Variants in ZNF804B observed in about 807,000 individuals in gnomAD.
The protein encoded by ZNF804B is zinc finger 804B.
Under a neutral mutation model 101.4 loss-of-function variants are expected in ZNF804B, and 80 were observed. The ratio of observed to expected loss-of-function variants is 0.79; its 90% CI spans 0.66 to 0.95. The LOEUF is 0.95. Ranked by LOEUF, ZNF804B falls within the 40% of genes least tolerant of loss-of-function variation. The pLI is 0.00. For missense variants in ZNF804B, 1,673 were observed against 1,561.9 expected (o/e 1.07, Z -1.20); for synonymous variants, 622 against 558.8 (o/e 1.11, Z -1.59).
intron 2 of ZNF804B, among the ~76,000 whole-genome samples, chr7:89,229,272 C>G (rs1436290498): frequency 1.3e-5 from 2 of 152,202 alleles, no homozygotes; most frequent in Non-Finnish European, 2.9e-5. Context: ...TGAGGACTGC[C>G]AGCACGCTGT....
chr7:89,080,305 A>C (rs986954749), intron 1 of ZNF804B, among the ~76,000 whole-genome samples: 19 of 151,898 alleles, frequency 1.3e-4, no homozygotes, highest in African/African-American at 3.6e-4. Context: ...AAAAAAAAAA[A>C]AGTATATCAT....
chr7:88,918,917 A>G (rs1261919910), intron 1 of ZNF804B, among the ~76,000 whole-genome samples: 1 of 152,148 alleles, frequency 6.6e-6, no homozygotes, highest in Non-Finnish European at 1.5e-5. Context: ...AAACACATCA[A>G]AGGAATATGT....
At chr7:89,015,697 T>C (rs1407446257) in intron 1 of ZNF804B, among the ~76,000 whole-genome samples, 1 of 152,180 alleles carries the variant, frequency 6.6e-6, no homozygotes, top group Non-Finnish European at 1.5e-5. Context: ...TAGTATTCCA[T>C]GGTGTATATG....
intron 1 of ZNF804B, among the ~76,000 whole-genome samples, chr7:88,871,929 T>A (rs1791829125): frequency 6.6e-6 from 1 of 151,916 alleles, no homozygotes; most frequent in South Asian, 2.1e-4. Flanking sequence ...GATTGCGCCA[T>A]TACACTCCAG....
intron 1 of ZNF804B, among the ~76,000 whole-genome samples, chr7:89,208,487 C>T (rs1346370068): frequency 6.6e-6 from 1 of 152,192 alleles, no homozygotes; most frequent in African/African-American, 2.4e-5. Context: ...GAAATTATAT[C>T]TTCCCTCTTT....
chr7:89,083,709 A>G (rs1413957141), intron 1 of ZNF804B, among the ~76,000 whole-genome samples: 1 of 151,906 alleles, frequency 6.6e-6, no homozygotes, highest in African/African-American at 2.4e-5. Context: ...AGTGAAACAT[A>G]TTGAGACCGT....
intron 2 of ZNF804B, among the ~76,000 whole-genome samples, chr7:89,321,657 A>G (rs1004947566): frequency 2.0e-5 from 3 of 152,074 alleles, no homozygotes; most frequent in South Asian, 4.1e-4. Flanking sequence ...GAGCAGATTC[A>G]CCAAGTATAC....
At chr7:88,815,101 GTA>G (rs906048078) in intron 1 of ZNF804B, among the ~76,000 whole-genome samples, 2 of 147,860 alleles carry the variant, frequency 1.4e-5, no homozygotes, top group Non-Finnish European at 3.0e-5. Flanking sequence ...TATGTATTAT[GTA>G]TATTCTCACA....
intron 1 of ZNF804B, among the ~76,000 whole-genome samples, chr7:89,161,807 A>G (rs1428749219): frequency 6.6e-6 from 1 of 152,182 alleles, no homozygotes; most frequent in East Asian, 1.9e-4. Flanking sequence ...TTATCAAAAC[A>G]TTCACTCATA....
At position 89,119,199 on chromosome 7, in the gene ZNF804B, C is replaced by G. The variant is rs1432592030; in HGVS notation, c.109-98956C>G. On this transcript the variant is annotated intron_variant, in intron 1 of 3. Coordinates refer to ENST00000333190, the MANE Select transcript of ZNF804B (RefSeq NM_181646.5). ...AGTATCATTAATGGTGGTTTTCTGC[C>G]CTTGCTGCATGTCAGGCTTATCAAG... Among the ~76,000 whole-genome samples the G allele has an allele frequency of 2.0e-5, 3 of 152,170 alleles. 1 individual carries two copies. Among genetic ancestry groups the G allele is most frequent in the Admixed American group, 2.0e-4 (3 of 15,286 alleles).
intron 1 of ZNF804B, among the ~76,000 whole-genome samples, chr7:88,776,780 ACCC>A (rs10707553): frequency 2.0e-4 from 17 of 83,492 alleles, no homozygotes; most frequent in African/African-American, 6.7e-4. Flanking sequence ...TAACCCATAA[ACCC>A]CCCCCCCCAC....
intron 1 of ZNF804B, among the ~76,000 whole-genome samples, chr7:89,049,555 A>G (rs558813836): frequency 6.6e-6 from 1 of 152,208 alleles, no homozygotes; most frequent in East Asian, 1.9e-4. Flanking sequence ...TTATTAGCAC[A>G]TCTGGTTTAC....
At chr7:89,303,101 C>T (rs1388498912) in intron 2 of ZNF804B, among the ~76,000 whole-genome samples, 1 of 151,786 alleles carries the variant, frequency 6.6e-6, no homozygotes, top group Admixed American at 6.6e-5. Flanking sequence ...GTGTCTCATA[C>T]ATTTGGAAAA....
intron 1 of ZNF804B, among the ~76,000 whole-genome samples, chr7:89,075,276 A>G (rs1203417474): frequency 3.9e-5 from 6 of 152,272 alleles, no homozygotes; most frequent in Non-Finnish European, 7.3e-5. Flanking sequence ...AGCCCCTCCC[A>G]TCACAGACCA....
intron 1 of ZNF804B, among the ~76,000 whole-genome samples, chr7:89,067,769 T>C (rs949984195): frequency 6.6e-6 from 1 of 152,090 alleles, no homozygotes; most frequent in Non-Finnish European, 1.5e-5. Flanking sequence ...TTTCATCATA[T>C]TCTATCTGTG....
chr7:89,282,708 A>G (rs1162580782), intron 2 of ZNF804B, among the ~76,000 whole-genome samples: 2 of 152,160 alleles, frequency 1.3e-5, no homozygotes, highest in African/African-American at 2.4e-5. Flanking sequence ...ATGTCCTTAT[A>G]ATAAGAGGCA....
At chr7:88,969,813 T>G (rs996202054) in intron 1 of ZNF804B, among the ~76,000 whole-genome samples, 1 of 151,676 alleles carries the variant, frequency 6.6e-6, no homozygotes, top group Admixed American at 6.6e-5. Flanking sequence ...TTTCTTCCAA[T>G]TTTTGAAACA....
intron 1 of ZNF804B, among the ~76,000 whole-genome samples, chr7:88,958,577 AG>A (rs1793346433): frequency 2.0e-5 from 3 of 151,476 alleles, no homozygotes; most frequent in Non-Finnish European, 1.5e-5. Context: ...AACTATGTAT[AG>A]TACTCTTAAA....
intron 1 of ZNF804B, among the ~76,000 whole-genome samples, chr7:88,840,206 C>A (rs1791275008): frequency 6.6e-6 from 1 of 152,092 alleles, no homozygotes; most frequent in Non-Finnish European, 1.5e-5. Context: ...TTTCTTTGTC[C>A]CTGTCCATGG....
Sources: allele counts gnomAD v4.1 joint callset (sites outside exome capture counted in the v4.1 genomes callset), GRCh38; gene constraint gnomAD v4.1.1; transcripts MANE v1.5; gene names NCBI Gene and HGNC (gene_info 2026-07-23, HGNC 2026-07-21).